AMPD3: variants seen among roughly 807,000 people sequenced by gnomAD.
AMPD3 encodes the protein adenosine monophosphate deaminase 3, also known as AMP deaminase 3.
Under a neutral mutation model 82.3 loss-of-function variants are expected in AMPD3, and 57 were observed. The observed-to-expected ratio is 0.69, with a 90% CI of 0.56 to 0.86. AMPD3 has a LOEUF of 0.86. Ranked by LOEUF, AMPD3 falls within the 40% of genes least tolerant of loss-of-function variation. The probability of loss-of-function intolerance (pLI) is 0.00; values close to 1 mark genes in which losing one functional copy is unlikely to be tolerated. For synonymous variants in AMPD3, 381 were observed against 394.7 expected, an observed-to-expected ratio of 0.97 and a Z score of 0.41; for missense variants, 870 against 1,003.8, an observed-to-expected ratio of 0.87 and a Z score of 1.80.
chr11:10,475,778 G>A (rs1041460640), intron 2 of AMPD3, among the ~76,000 whole-genome samples: 1 of 152,144 alleles, frequency 6.6e-6, no homozygotes, highest in Non-Finnish European at 1.5e-5. Context: ...GAGATGAAGG[G>A]GGCTATGTGC....
chr11:10,505,390 T>TA lies in AMPD3; in HGVS notation c.2128-317dup, dbSNP rs1453026729. The TA allele has an allele frequency of 6.4e-6, 6 of 938,458 alleles. No homozygotes were observed. The East Asian group carries it at 7.0e-4, about 110-fold the overall frequency. 58.1% of individuals were successfully genotyped at this position (938,458 alleles called of 1,614,324 possible). ...TGTCAGCTCTCAGGGGCTTCTTAAT[T>TA]AGAGTCTTACCTCCTTCCCCTTTGC... On this transcript the variant is annotated intron_variant, in intron 14 of 14. Coordinates refer to ENST00000396553, the MANE Select transcript of AMPD3 (RefSeq NM_001025389.2).
intron 2 of AMPD3, chr11:10,477,175 G>A (rs1848765456): frequency 3.2e-6 from 3 of 929,440 alleles, no homozygotes; most frequent in African/African-American, 1.8e-5. Context: ...CTTATTTGGG[G>A]ATCAACTGAT....
chr11:10,506,962 C>G lies in AMPD3; in HGVS notation c.*1078C>G, dbSNP rs1015569351. The stretch of plus-strand genomic sequence containing the variant: ...TGCATTTTTTTAAGGCAAAATTTCT[C>G]CCTTATCTACTATGATGACTTCAGA... On this transcript the variant is annotated 3_prime_UTR_variant, in exon 15 of 15. Transcript: ENST00000396553. The surrounding 1 kb of genome is among the most constrained non-coding windows in gnomAD (Gnocchi z 4.1). 1 of 152,342 alleles carries G rather than the reference C, an allele frequency of 6.6e-6. No homozygotes were observed. The highest frequency in any genetic ancestry group is 1.5e-5 in the Non-Finnish European group (1 of 68,010). The allele number at this position is 152,342 out of a possible 1,614,324, so 9.4% of individuals were successfully genotyped here.
Position 10,478,157 on chromosome 11 carries a change from G to A in AMPD3, c.222-369G>A, listed in dbSNP as rs114301497. 7.7e-4 allele frequency: 763 copies of A among 985,404 alleles called. 5 individuals carry two copies. The African/African-American group carries it at 0.013, about 16-fold the overall frequency. 61.0% of individuals were successfully genotyped at this position (985,404 alleles called of 1,614,324 possible). A position where few individuals can be genotyped will look rare whatever the true frequency, so the allele number is the denominator to read the frequency against. On this transcript the variant is annotated intron_variant, in intron 2 of 14. Coordinates refer to ENST00000396553, the MANE Select transcript of AMPD3 (RefSeq NM_001025389.2). ...GCCAGCATGCTGTCCACACTGTGGGGAAAGCCTGCATGATTTGCTATTGTC... is the reference window on the plus strand; with the variant it reads ...GCCAGCATGCTGTCCACACTGTGGGAAAAGCCTGCATGATTTGCTATTGTC...
intron 2 of AMPD3, among the ~76,000 whole-genome samples, chr11:10,467,201 G>A (rs1848446205): frequency 6.6e-6 from 1 of 152,092 alleles, no homozygotes; most frequent in South Asian, 2.1e-4. Context: ...TCAGAAGGTG[G>A]GTAATAACAA....
In AMPD3 at chr11:10,478,558, C is replaced by G; in HGVS notation, c.254C>G (p.Ser85Cys). ...KKSFKMIRSQ[S>C]LSLQMPPQQD... is the part of the protein sequence containing the mutation. ...AGTTTCAAGATGATTCGGTCCCAGT[C>G]CCTGTCTCTGCAAATGCCGCCACAG... is the stretch of plus-strand genomic sequence containing the variant. Residue 85 changes from serine to cysteine, a missense_variant, in exon 3 of 15, where the codon TCC becomes TGC. By Grantham distance (112) the Ser-to-Cys change is moderately radical (BLOSUM62 -1). Coordinates refer to ENST00000396553, the MANE Select transcript of AMPD3 (RefSeq NM_001025389.2). 1.2e-6 allele frequency: 2 copies of G among 1,614,200 alleles called. No individual in the cohort carries two copies. The highest frequency in any genetic ancestry group is 1.7e-6 in the Non-Finnish European group (2 of 1,180,040).
intron 7 of AMPD3, 26 bp downstream of exon 7, chr11:10,493,569 G>T (rs373774188): frequency 6.2e-7 from 1 of 1,610,604 alleles, no homozygotes; most frequent in Admixed American, 1.7e-5. Flanking sequence ...CTCCAGTGCC[G>T]CCAGCAGACA....
At position 10,456,436 on chromosome 11, in the gene AMPD3, C is replaced by T. The variant is rs1233886939; in HGVS notation, c.-6+988C>T. 2 of 1,613,604 alleles carry T rather than the reference C, an allele frequency of 1.2e-6. No individual in the cohort carries two copies. The highest frequency in any genetic ancestry group is 2.7e-5 in the African/African-American group (2 of 74,896). Reference sequence around the variant, plus strand: ...CGGGGCTTCTGCAAGGGGAGTCTGGCAAGAGTAGGAACCAGCTTCCTTCGT... The same window carrying T: ...CGGGGCTTCTGCAAGGGGAGTCTGGTAAGAGTAGGAACCAGCTTCCTTCGT... On this transcript the variant is annotated intron_variant, in intron 1 of 14. Transcript: ENST00000396553. This position sits in a 1 kb window ranked among gnomAD's most constrained non-coding sequence, Gnocchi z 4.3.
At position 10,504,662 on chromosome 11, in the gene AMPD3, A is replaced by G. The variant is rs369685736; in HGVS notation, c.2127+3A>G. The G allele has an allele frequency of 6.2e-7, 1 of 1,613,624 alleles. No homozygotes were observed. The highest frequency in any genetic ancestry group is 8.5e-7 in the Non-Finnish European group (1 of 1,179,670). ...TGCAGAGCGGCCTCTCGCATCAGGT[A>G]TGGAGTGTGACGGTGCTGCCTGTGT... On this transcript the variant is annotated splice_donor_region_variant and intron_variant, in intron 14 of 14. Coordinates refer to ENST00000396553, the MANE Select transcript of AMPD3 (RefSeq NM_001025389.2).
rs1848085567 is a variant in AMPD3, at chr11:10,456,097, C to T, written c.-6+649C>T. On this transcript the variant is annotated intron_variant, in intron 1 of 14. Transcript: ENST00000396553. The surrounding 1 kb of genome is among the most constrained non-coding windows in gnomAD (Gnocchi z 4.3). Reference sequence around the variant, plus strand: ...GGCTGTGAAGAGGGCCAGGACACTGCATTCAGGATACCACAGCCATTTTGT... The same window carrying T: ...GGCTGTGAAGAGGGCCAGGACACTGTATTCAGGATACCACAGCCATTTTGT... 3 of 1,268,796 alleles carry T rather than the reference C, an allele frequency of 2.4e-6. No individual in the cohort carries two copies. Among genetic ancestry groups the T allele is most frequent in the Non-Finnish European group, 3.0e-6 (3 of 1,001,436 alleles). 78.6% of individuals were successfully genotyped at this position (1,268,796 alleles called of 1,614,324 possible).
rs1849734874 is a variant in AMPD3, at chr11:10,507,295, T to C, written c.*1411T>C. 6.6e-6 allele frequency: 1 copy of C among 152,218 alleles called. No individual in the cohort carries two copies. Among genetic ancestry groups the C allele is most frequent in the Non-Finnish European group, 1.5e-5 (1 of 68,032 alleles). 9.4% of individuals were successfully genotyped at this position (152,218 alleles called of 1,614,324 possible). On this transcript the variant is annotated 3_prime_UTR_variant, in exon 15 of 15. Transcript: ENST00000396553. ...TTCTGCCTGTGAACTTATTTGACTT[T>C]AGATTGTCTCATCTTGTGACTTTAT... is the stretch of plus-strand genomic sequence containing the variant.
intron 6 of AMPD3, chr11:10,490,474 G>C (rs1849208553): frequency 1.0e-6 from 1 of 985,364 alleles, no homozygotes; most frequent in South Asian, 4.7e-5. Flanking sequence ...TGTTGGCTTA[G>C]GTCCCAGGTC....
At chr11:10,479,409 T>C (rs890429985) in intron 3 of AMPD3, among the ~76,000 whole-genome samples, 1 of 152,186 alleles carries the variant, frequency 6.6e-6, no homozygotes, top group African/African-American at 2.4e-5. Flanking sequence ...TTGGCTTCAT[T>C]AGTCTCTTTT....
upstream of AMPD3, chr11:10,450,604 G>A: frequency 1.0e-6 from 1 of 991,340 alleles, no homozygotes; most frequent in African/African-American, 1.7e-5. Context: ...ATCTGCTCCG[G>A]GCTGCGGCGC....
At chr11:10,494,455 A>T in intron 7 of AMPD3, 1 of 645,808 alleles carries the variant, frequency 1.5e-6, no homozygotes, top group Non-Finnish European at 1.9e-6. Flanking sequence ...CTGGAACTGT[A>T]TGGTTAAAAA....
At chr11:10,501,181 G>GAC in intron 11 of AMPD3, 1 of 985,402 alleles carries the variant, frequency 1.0e-6, no homozygotes, top group Non-Finnish European at 1.2e-6. Context: ...ACGAATGCGG[G>GAC]ACACAAGGCC....
Position 10,461,519 on chromosome 11 carries a change from G to C in AMPD3, c.-1G>C, listed in dbSNP as rs763070134. ...TGCTTGTTCTTTCTTTGCTAGCTGAGATGCCGCGGCAGTTTCCCAAGCTGA... is the reference window on the plus strand; with the variant it reads ...TGCTTGTTCTTTCTTTGCTAGCTGACATGCCGCGGCAGTTTCCCAAGCTGA... On this transcript the variant is annotated 5_prime_UTR_variant, in exon 2 of 15. Coordinates refer to ENST00000396553, the MANE Select transcript of AMPD3 (RefSeq NM_001025389.2). The C allele has an allele frequency of 6.2e-7, 1 of 1,614,188 alleles. No individual in the cohort carries two copies. Among genetic ancestry groups the C allele is most frequent in the South Asian group, 1.1e-5 (1 of 91,076 alleles).
chr11:10,479,153 A>G (rs1848831007), intron 3 of AMPD3, among the ~76,000 whole-genome samples: 1 of 152,160 alleles, frequency 6.6e-6, no homozygotes, highest in South Asian at 2.1e-4. Context: ...TCTTATATGT[A>G]GGTTCAATAC....
intron 2 of AMPD3, among the ~76,000 whole-genome samples, chr11:10,462,957 C>G (rs1330479907): frequency 1.3e-5 from 2 of 152,154 alleles, no homozygotes; most frequent in African/African-American, 4.8e-5. Context: ...GGCTGGAGGA[C>G]TTGTGGGGCC....
Sources: gnomAD v4.1 joint callset for allele counts (sites outside exome capture counted in the v4.1 genomes callset) on GRCh38, gnomAD v4.1.1 for gene constraint, Gnocchi (gnomAD v3.1) non-coding constraint, MANE v1.5 for transcripts, NCBI Gene and HGNC (gene_info 2026-07-23, HGNC 2026-07-21) for gene names.